MCM9: variants seen among roughly 807,000 people sequenced by gnomAD.
MCM9 encodes DNA helicase MCM9.
Under a neutral mutation model 72.8 loss-of-function variants are expected in MCM9, and 55 were observed. The ratio of observed to expected loss-of-function variants is 0.76; its 90% confidence interval spans 0.61 to 0.95. MCM9 has a LOEUF of 0.95. MCM9 is among the 40% of genes least tolerant of loss of function. The probability of loss-of-function intolerance (pLI) is 0.00; values close to 1 mark genes in which losing one functional copy is unlikely to be tolerated. For synonymous variants in MCM9, 480 were observed against 503.4 expected, an observed-to-expected ratio of 0.95 and a Z score of 0.62; for missense variants, 1,279 against 1,377.0, an observed-to-expected ratio of 0.93 and a Z score of 1.13.
chr6:118,850,542 G>T (rs1776152739), intron 9 of MCM9, among the ~76,000 whole-genome samples: 1 of 151,720 alleles, frequency 6.6e-6, no homozygotes, highest in African/African-American at 2.4e-5. Flanking sequence ...ATTTATTCTA[G>T]GTCTCTCCGA....
intron 9 of MCM9, among the ~76,000 whole-genome samples, chr6:118,840,919 G>C (rs926619274): frequency 5.3e-5 from 8 of 152,018 alleles, no homozygotes; most frequent in African/African-American, 1.9e-4. Flanking sequence ...ACTTTCTGTA[G>C]AGTCAGTGTT....
chr6:118,860,718 G>C (rs1195736247), intron 8 of MCM9, among the ~76,000 whole-genome samples: 1 of 152,154 alleles, frequency 6.6e-6, no homozygotes, highest in Non-Finnish European at 1.5e-5. Context: ...GCCAGAGGAA[G>C]AAAAACAGCT....
chr6:118,901,625 T>C (rs1446967497), intron 8 of MCM9, among the ~76,000 whole-genome samples: 3 of 152,216 alleles, frequency 2.0e-5, no homozygotes, highest in Non-Finnish European at 4.4e-5. Flanking sequence ...TTTTAATCCA[T>C]GTTAAATTGC....
chr6:118,819,581 C>CT (rs1321349067), intron 13 of MCM9, among the ~76,000 whole-genome samples: 1 of 151,274 alleles, frequency 6.6e-6, no homozygotes, highest in African/African-American at 2.5e-5. Flanking sequence ...CCGAAATTTT[C>CT]TTTTTTTATT....
At chr6:118,925,412 A>G (rs1409759059) in intron 3 of MCM9, among the ~76,000 whole-genome samples, 1 of 152,154 alleles carries the variant, frequency 6.6e-6, no homozygotes, top group Non-Finnish European at 1.5e-5. Flanking sequence ...CTCCTAGTTG[A>G]TACATCTATT....
At chr6:118,863,270 G>A (rs1427542376) in intron 8 of MCM9, among the ~76,000 whole-genome samples, 1 of 152,160 alleles carries the variant, frequency 6.6e-6, no homozygotes, top group African/African-American at 2.4e-5. Flanking sequence ...CTGTCATTAC[G>A]AGGTACTTAC....
intron 3 of MCM9, among the ~76,000 whole-genome samples, 200 bp from the exon 4 acceptor site, chr6:118,924,327 G>GT (rs201140569): frequency 6.6e-6 from 1 of 151,498 alleles, no homozygotes; most frequent in Non-Finnish European, 1.5e-5. Flanking sequence ...TATCAGTAGA[G>GT]TTTTTTTTTA....
rs1191009161 is a variant in MCM9 at position 118,815,567 on chromosome 6, T to C, written c.2689A>G (p.Lys897Glu). Residue 897 changes from lysine to glutamate, a missense_variant, in exon 14 of 14, where the codon AAA becomes GAA. Coordinates refer to ENST00000619706, the MANE Select transcript of MCM9 (RefSeq NM_017696.3). ...MLDSPKRKRP[K>E]SLAQVEEPAI... ...GGCTCTTCCACTTGCGCAAGGGATT[T>C]CGGTCTCTTTCTTTTGGGTGAGTCC... 2 of 1,550,394 alleles carry C rather than the reference T, an allele frequency of 1.3e-6. No homozygotes were observed. Among genetic ancestry groups the C allele is most frequent in the South Asian group, 2.4e-5 (2 of 84,020 alleles).
chr6:118,881,674 G>A (rs1341430625), intron 8 of MCM9, among the ~76,000 whole-genome samples: 1 of 152,212 alleles, frequency 6.6e-6, no homozygotes, highest in Non-Finnish European at 1.5e-5. Flanking sequence ...CAATGGCAGT[G>A]TGAGGAGCTC....
chr6:118,911,567 T>C, intron 8 of MCM9, 83 bp downstream of exon 8: 2 of 1,517,558 alleles, frequency 1.3e-6, no homozygotes, highest in Non-Finnish European at 1.8e-6. Context: ...TTTATCCTAT[T>C]ATAGGTAGTT....
Position 118,816,242 on chromosome 6 carries a change from T to A in MCM9, c.2014A>T (p.Thr672Ser). The A allele has an allele frequency of 6.5e-7, 1 of 1,550,186 alleles. No homozygotes were observed. Among genetic ancestry groups the A allele is most frequent in the Admixed American group, 2.0e-5 (1 of 50,968 alleles). Reference sequence around the variant, plus strand: ...CCATTTCTCAAGGATCCTGGAGTAGTCTCTACCTCCAATACCCGTGGTTGG... The same window carrying A: ...CCATTTCTCAAGGATCCTGGAGTAGACTCTACCTCCAATACCCGTGGTTGG... ...QSQPRVLEVE[T>S]TPGSLRNGPG... The change falls in exon 14 of 14, where the codon ACT becomes TCT. Residue 672 changes from threonine to serine, a missense_variant. By Grantham distance (58) the Thr-to-Ser change is moderately conservative. Coordinates refer to ENST00000619706, the MANE Select transcript of MCM9 (RefSeq NM_017696.3).
chr6:118,827,385 G>A (rs574350386), intron 11 of MCM9, among the ~76,000 whole-genome samples: 2 of 152,192 alleles, frequency 1.3e-5, no homozygotes, highest in African/African-American at 4.8e-5. Flanking sequence ...TTCAGTTCAT[G>A]TGAATTCTTT....
At chr6:118,894,687 C>CGCGGCTTTCCGCCGCAGCCCAGGCGCCT (rs1779226485) in intron 8 of MCM9, among the ~76,000 whole-genome samples, 1 of 152,254 alleles carries the variant, frequency 6.6e-6, no homozygotes, top group Non-Finnish European at 1.5e-5. Flanking sequence ...CCGAGGCGCG[C>CGCGGCTTTCCGCCGCAGCCCAGGCGCCT]GCGGCTTTCC....
At chr6:118,860,779 G>A (rs943250087) in intron 8 of MCM9, among the ~76,000 whole-genome samples, 23 of 152,204 alleles carry the variant, frequency 1.5e-4, no homozygotes, top group African/African-American at 3.6e-4. Flanking sequence ...GGCTGGTTTC[G>A]TGGAGAAAAT....
At position 118,917,724 on chromosome 6, in the gene MCM9, C is replaced by T. The variant is rs764255879; in HGVS notation, c.741G>A (p.Arg247=). The T allele has an allele frequency of 3.7e-6, 6 of 1,614,008 alleles. No homozygotes were observed. Among genetic ancestry groups the T allele is most frequent in the Non-Finnish European group, 5.1e-6 (6 of 1,180,026 alleles). The change falls in exon 6 of 14, where the codon CGG becomes CGA. Residue 247 remains arginine (R), a synonymous_variant. Transcript: ENST00000619706. ...DLTIYGIVMQ[R]WKPFQQDVRC... is the part of the protein sequence containing the mutation. ...GCACATCTTGCTGAAAGGGCTTCCA[C>T]CGTTGCATTACAATCCCGTAAATAG...
intron 9 of MCM9, among the ~76,000 whole-genome samples, chr6:118,854,628 C>T (rs1246747879): frequency 2.0e-5 from 3 of 152,366 alleles, no homozygotes; most frequent in African/African-American, 4.8e-5. Context: ...GCTGGGATTA[C>T]AGGCGTGAGC....
chr6:118,862,461 C>T (rs548975047), intron 8 of MCM9, among the ~76,000 whole-genome samples: 1 of 152,338 alleles, frequency 6.6e-6, no homozygotes, highest in South Asian at 2.1e-4. Flanking sequence ...AGTGGGAGCC[C>T]TGACCTTATT....
chr6:118,825,954 G>C (rs1207166133), intron 13 of MCM9, among the ~76,000 whole-genome samples, 193 bp downstream of exon 13: 1 of 152,130 alleles, frequency 6.6e-6, no homozygotes, highest in African/African-American at 2.4e-5. Flanking sequence ...CAGTCACTGA[G>C]TTTTGGAGCA....
intron 9 of MCM9, among the ~76,000 whole-genome samples, chr6:118,834,700 G>GTT (rs1237184881): frequency 6.8e-6 from 1 of 146,712 alleles, no homozygotes; most frequent in Non-Finnish European, 1.5e-5. Context: ...TTTTGATGTG[G>GTT]TTTTTTTTTT....
Sources: gnomAD v4.1 joint callset for allele counts (sites outside exome capture counted in the v4.1 genomes callset) on GRCh38, gnomAD v4.1.1 for gene constraint, MANE v1.5 for transcripts, NCBI Gene and HGNC (gene_info 2026-07-23, HGNC 2026-07-21) for gene names.